ZNF385C: variants seen among roughly 807,000 people sequenced by gnomAD.
The protein encoded by ZNF385C is zinc finger protein 385C, also known as CTD-2132N18.2.
In ZNF385C, 28 loss-of-function variants were observed where a neutral mutation model predicts 35.4. That is an observed-to-expected ratio of 0.79 (90% CI 0.59 to 1.08). The LOEUF (loss-of-function observed/expected upper bound fraction) is 1.08. Among genes scored for constraint, ZNF385C ranks in the 50% least tolerant of loss-of-function variants. The pLI is 0.00. For missense variants in ZNF385C, 605 were observed against 595.6 expected (o/e 1.02, Z -0.16); for synonymous variants, 248 against 248.2 (o/e 1.00, Z 0.01).
chr17:42,084,060 T>C (rs991424005), intron 1 of ZNF385C, among the ~76,000 whole-genome samples: 1 of 152,062 alleles, frequency 6.6e-6, no homozygotes, highest in Non-Finnish European at 1.5e-5. Flanking sequence ...TAAATATTAT[T>C]TGGGTGAATG....
intron 1 of ZNF385C, among the ~76,000 whole-genome samples, chr17:42,081,584 C>T (rs1398707248): frequency 2.0e-5 from 3 of 152,042 alleles, no homozygotes; most frequent in Non-Finnish European, 4.4e-5. Context: ...ACCACGTTGA[C>T]CAGGCTGGTC....
At chr17:42,038,189 G>A in intron 2 of ZNF385C, 1 of 835,762 alleles carries the variant, frequency 1.2e-6, no homozygotes, top group Non-Finnish European at 1.8e-6. Flanking sequence ...GGGACAGAGG[G>A]GTCTGGGCAG....
In ZNF385C at chr17:42,050,957, A is replaced by G. The variant is rs2053271254; in HGVS notation, c.250+11850T>C. On this transcript the variant is annotated intron_variant, in intron 2 of 8. Coordinates refer to ENST00000692273, the MANE Select transcript of ZNF385C (RefSeq NM_001392013.1). The surrounding 1 kb of genome is among the most constrained non-coding windows in gnomAD (Gnocchi z 5.6). ...CTGCAAAGTGTTCTGAGAGTTTGGAAGCAAGTGCTTTGGGATCACGAAGGA... is the reference window on the plus strand; with the variant it reads ...CTGCAAAGTGTTCTGAGAGTTTGGAGGCAAGTGCTTTGGGATCACGAAGGA... 6.6e-6 allele frequency among the ~76,000 whole-genome samples: 1 copy of G among 152,110 alleles called. No homozygotes were observed. The highest frequency in any genetic ancestry group is 1.5e-5 in the Non-Finnish European group (1 of 67,994).
intron 2 of ZNF385C, among the ~76,000 whole-genome samples, chr17:42,058,365 TC>T (rs1358884605): frequency 6.6e-6 from 1 of 152,120 alleles, no homozygotes; most frequent in East Asian, 1.9e-4. Flanking sequence ...GCCCGAGACC[TC>T]GTGTCTCAAT....
At chr17:42,044,053 C>A (rs975950744) in intron 2 of ZNF385C, among the ~76,000 whole-genome samples, 2 of 150,480 alleles carry the variant, frequency 1.3e-5, no homozygotes, top group Non-Finnish European at 3.0e-5. Context: ...TGGTGGCTCA[C>A]TCCTATAATC....
At chr17:42,034,181 T>C in intron 4 of ZNF385C, 44 bp downstream of exon 4, 5 of 1,486,170 alleles carry the variant, frequency 3.4e-6, no homozygotes, top group Non-Finnish European at 2.8e-6. Context: ...GCCCTCTCCC[T>C]GCCCAGCCCC....
At chr17:42,057,510 G>A (rs1178522663) in intron 2 of ZNF385C, among the ~76,000 whole-genome samples, 19 of 34,904 alleles carry the variant, frequency 5.4e-4, no homozygotes, top group Non-Finnish European at 1.5e-3. Flanking sequence ...GCGCGCGCGC[G>A]CGCGTGTGTG....
At position 42,067,869 on chromosome 17, in the gene ZNF385C, C is replaced by A. The variant is rs147885213; in HGVS notation, c.-2-4811G>T. ...TTCCTGGCCATGCCAAGGAGAGCTG[C>A]CTGCCCCGCCAGCATGGGGACAGGG... On this transcript the variant is annotated intron_variant, in intron 1 of 8. Transcript: ENST00000692273. 2.0e-3 allele frequency among the ~76,000 whole-genome samples: 303 copies of A among 152,296 alleles called. 1 individual carries two copies. Among genetic ancestry groups the A allele is most frequent in the African/African-American group, 6.9e-3 (287 of 41,562 alleles).
intron 2 of ZNF385C, among the ~76,000 whole-genome samples, chr17:42,053,938 G>A (rs2053330314): frequency 6.6e-6 from 1 of 152,166 alleles, no homozygotes; most frequent in African/African-American, 2.4e-5. Flanking sequence ...GGGGATGTGA[G>A]GGACAGGAGG....
At chr17:42,057,504 G>A (rs1316163238) in intron 2 of ZNF385C, among the ~76,000 whole-genome samples, 4 of 24,106 alleles carry the variant, frequency 1.7e-4, no homozygotes, top group Admixed American at 4.8e-4. Flanking sequence ...GTGTGCGCGC[G>A]CGCGCGCGCG....
At chr17:42,043,232 G>A (rs1280493684) in intron 2 of ZNF385C, 9 of 1,232,128 alleles carry the variant, frequency 7.3e-6, no homozygotes, top group East Asian at 3.2e-5. Context: ...AGGGCCTGGC[G>A]GCACTCGAGG....
Position 42,027,131 on chromosome 17 carries a change from A to C in ZNF385C, c.1278T>G (p.Ser426=). 1 of 1,613,360 alleles carries C rather than the reference A, an allele frequency of 6.2e-7. No homozygotes were observed. Among genetic ancestry groups the C allele is most frequent in the Non-Finnish European group, 8.5e-7 (1 of 1,179,790 alleles). ...TGAGTTGCTTCTGCAAGGCCAGTTT[A>C]GACTACACGGAAAAGAAAGGAATGG... ...HAALAVSILK[S]KLALQKQLTK... is the part of the protein sequence containing the mutation. The change falls in exon 9 of 9, where the codon TCT becomes TCG. Residue 426 remains serine (S), a splice_region_variant and synonymous_variant. Transcript: ENST00000692273.
At chr17:42,061,590 CTCAGAG>C (rs1439988920) in intron 2 of ZNF385C, 1 of 152,258 alleles carries the variant, frequency 6.6e-6, no homozygotes, top group Non-Finnish European at 1.5e-5. Context: ...TACTCTCTTG[CTCAGAG>C]TCATGCTTTT....
intron 1 of ZNF385C, among the ~76,000 whole-genome samples, chr17:42,068,078 C>T (rs1291069890): frequency 6.6e-6 from 1 of 152,172 alleles, no homozygotes; most frequent in African/African-American, 2.4e-5. Context: ...GCAGCCTGCC[C>T]TGCCTGACCC....
intron 2 of ZNF385C, among the ~76,000 whole-genome samples, chr17:42,041,726 T>C (rs2053027117): frequency 2.0e-5 from 3 of 152,144 alleles, no homozygotes; most frequent in African/African-American, 4.8e-5. Flanking sequence ...CCCAGCTGTG[T>C]GCTGTTTCTC....
chr17:42,075,167 A>G (rs1555659148), intron 1 of ZNF385C, among the ~76,000 whole-genome samples: 1 of 152,104 alleles, frequency 6.6e-6, no homozygotes, highest in African/African-American at 2.4e-5. Flanking sequence ...TGCCTCAGCT[A>G]TTCTTCCCCT....
chr17:42,033,513 G>A (rs557578952), intron 4 of ZNF385C, among the ~76,000 whole-genome samples: 1 of 152,306 alleles, frequency 6.6e-6, no homozygotes, highest in South Asian at 2.1e-4. Context: ...CATGTTGGGA[G>A]GTTGAGGTGG....
At chr17:42,065,537 G>A (rs558478315) in intron 1 of ZNF385C, among the ~76,000 whole-genome samples, 2 of 152,276 alleles carry the variant, frequency 1.3e-5, no homozygotes, top group South Asian at 4.1e-4. Context: ...AAACCTGCCT[G>A]TAGTCCCCAG....
In ZNF385C at chr17:42,060,574, C is replaced by T. The variant is rs148096861; in HGVS notation, c.250+2233G>A. 4.2e-3 allele frequency among the ~76,000 whole-genome samples: 633 copies of T among 152,184 alleles called. 3 individuals are homozygous for T. Among genetic ancestry groups the T allele is most frequent in the Middle Eastern group, 0.014 (4 of 294 alleles). ...GATGACCCCTAAGATGGTGCCCCTC[C>T]CCACCCAAAGAGCCATGGGCTTGCA... On this transcript the variant is annotated intron_variant, in intron 2 of 8. Transcript: ENST00000692273.
Sources: gnomAD v4.1 joint callset for allele counts (sites outside exome capture counted in the v4.1 genomes callset) on GRCh38, gnomAD v4.1.1 for gene constraint, Gnocchi (gnomAD v3.1) non-coding constraint, MANE v1.5 for transcripts, NCBI Gene and HGNC (gene_info 2026-07-23, HGNC 2026-07-21) for gene names.